ACBD6: variants seen among roughly 807,000 people sequenced by gnomAD.
ACBD6 encodes the protein acyl-CoA binding domain containing 6.
ACBD6 carries 28 observed loss-of-function variants against 37.2 expected under a neutral mutation model. That is an observed-to-expected ratio of 0.75 (90% CI 0.56 to 1.03). ACBD6 has a LOEUF of 1.03. Ranked by LOEUF, ACBD6 falls within the 50% of genes least tolerant of loss-of-function variation. ACBD6 has a pLI of 0.00. For synonymous variants in ACBD6, 113 were observed against 126.8 expected, an observed-to-expected ratio of 0.89 and a Z score of 0.73; for missense variants, 340 against 337.4, an observed-to-expected ratio of 1.01 and a Z score of -0.06.
chr1:180,472,269 C>T lies in ACBD6; in HGVS notation c.384+20000G>A, dbSNP rs1453874821. ...TCACTATTCAAGAGTTGATGTGTAA[C>T]GTTTAGGTGATGTGTGGCAAAAAAT... is the stretch of plus-strand genomic sequence containing the variant. On this transcript the variant is annotated intron_variant, in intron 3 of 7. Coordinates refer to ENST00000367595, the MANE Select transcript of ACBD6 (RefSeq NM_032360.4). Among the ~76,000 whole-genome samples, 9 of 152,252 alleles carry T rather than the reference C, an allele frequency of 5.9e-5. 1 individual carries two copies. The East Asian group carries it at 1.5e-3, about 26-fold the overall frequency.
At chr1:180,396,300 T>C (rs1330776905) in intron 6 of ACBD6, among the ~76,000 whole-genome samples, 1 of 152,198 alleles carries the variant, frequency 6.6e-6, no homozygotes, top group Non-Finnish European at 1.5e-5. Context: ...GTAAATTTTA[T>C]GCTATGAGTA....
intron 10 of ACBD6, chr1:180,274,470 T>C: frequency 1.2e-6 from 2 of 1,614,158 alleles, no homozygotes; most frequent in Non-Finnish European, 1.7e-6. Flanking sequence ...CTGAGAGCCA[T>C]GGCTGGGGGA....
At chr1:180,436,901 T>C (rs1649060249) in intron 3 of ACBD6, among the ~76,000 whole-genome samples, 1 of 152,224 alleles carries the variant, frequency 6.6e-6, no homozygotes, top group African/African-American at 2.4e-5. Context: ...ACTGAAAGCT[T>C]TCCTTCTAAG....
intron 6 of ACBD6, among the ~76,000 whole-genome samples, chr1:180,364,449 C>T (rs140379112): frequency 1.3e-5 from 2 of 152,314 alleles, no homozygotes; most frequent in African/African-American, 4.8e-5. Context: ...CTACTGTCTT[C>T]AAATAACAGA....
At chr1:180,327,524 T>C (rs947903355) in intron 6 of ACBD6, among the ~76,000 whole-genome samples, 2 of 152,248 alleles carry the variant, frequency 1.3e-5, no homozygotes, top group African/African-American at 4.8e-5. Flanking sequence ...CAGTGCTCTT[T>C]TATGTGTAGT....
At position 180,502,371 on chromosome 1, in the gene ACBD6, C is replaced by T. The variant is rs1571593263; in HGVS notation, c.-105G>A. The T allele has an allele frequency of 3.9e-6, 5 of 1,285,956 alleles. No individual in the cohort carries two copies. The East Asian group carries it at 9.9e-5, about 25-fold the overall frequency. 79.7% of individuals were successfully genotyped at this position (1,285,956 alleles called of 1,614,324 possible). A position where few individuals can be genotyped will look rare whatever the true frequency, so the allele number is the denominator to read the frequency against. The stretch of plus-strand genomic sequence containing the variant: ...CACCAGTCTGGGTCGCGAGCCTGAG[C>T]TCCAGTCGGACCCAAGCTCAGTCGC... On this transcript the variant is annotated 5_prime_UTR_variant, in exon 1 of 8. Transcript: ENST00000367595.
intron 6 of ACBD6, among the ~76,000 whole-genome samples, chr1:180,343,778 AAAAC>A (rs933599026): frequency 3.3e-5 from 5 of 152,294 alleles, no homozygotes; most frequent in African/African-American, 1.2e-4. Context: ...AAACAAAACA[AAAAC>A]AAACAGGCCA....
At chr1:180,364,794 C>T (rs1053566651) in intron 6 of ACBD6, among the ~76,000 whole-genome samples, 4 of 147,400 alleles carry the variant, frequency 2.7e-5, no homozygotes, top group East Asian at 4.0e-4. Flanking sequence ...AGTACAGTAG[C>T]GCGATCTTGG....
At chr1:180,337,488 T>C (rs1651784891) in intron 6 of ACBD6, among the ~76,000 whole-genome samples, 1 of 152,180 alleles carries the variant, frequency 6.6e-6, no homozygotes, top group African/African-American at 2.4e-5. Flanking sequence ...AAATTAGGTA[T>C]TGATGGGATG....
intron 6 of ACBD6, among the ~76,000 whole-genome samples, chr1:180,374,635 G>A (rs1653369997): frequency 6.6e-6 from 1 of 152,018 alleles, no homozygotes; most frequent in African/African-American, 2.4e-5. Flanking sequence ...AAAATCAACA[G>A]GTGACTTAAC....
At position 180,469,464 on chromosome 1, in the gene ACBD6, T is replaced by C. The variant is rs568280373; in HGVS notation, c.384+22805A>G. On this transcript the variant is annotated intron_variant, in intron 3 of 7. Transcript: ENST00000367595. ...AGTGAGCCTGAAAACAATATAGTAA[T>C]TCTACAGAGTTTTAAATCTAGGCCT... 4.6e-5 allele frequency among the ~76,000 whole-genome samples: 7 copies of C among 152,318 alleles called. No homozygotes were observed. In the East Asian group the frequency reaches 1.4e-3, roughly 29 times the overall value.
At chr1:180,492,712 G>C (rs1003539031) in intron 2 of ACBD6, among the ~76,000 whole-genome samples, 14 of 152,110 alleles carry the variant, frequency 9.2e-5, no homozygotes, top group Admixed American at 8.5e-4. Flanking sequence ...CCCTATTGAG[G>C]ATATATGATC....
chr1:180,318,175 C>CCA (rs10632390), intron 6 of ACBD6, among the ~76,000 whole-genome samples: 4,339 of 102,596 alleles, frequency 0.042, 505 homozygotes, highest in African/African-American at 0.14. Context: ...CCCCCCCCCC[C>CCA]AAAAAAAAAA....
At chr1:180,277,879 G>GGT (rs1553285497) in intron 9 of ACBD6, 1 of 149,972 alleles carries the variant, frequency 6.7e-6, no homozygotes, top group Non-Finnish European at 1.5e-5. Flanking sequence ...ACTTTTTTTG[G>GGT]GGGGGGGCAG....
chr1:180,323,052 T>A (rs1247337075), intron 6 of ACBD6, among the ~76,000 whole-genome samples: 1 of 151,884 alleles, frequency 6.6e-6, no homozygotes, highest in Non-Finnish European at 1.5e-5. Context: ...TTTGGTATAT[T>A]TCGTTTTCAC....
At chr1:180,317,739 C>T (rs946891994) in intron 6 of ACBD6, among the ~76,000 whole-genome samples, 1 of 152,102 alleles carries the variant, frequency 6.6e-6, no homozygotes, top group African/African-American at 2.4e-5. Flanking sequence ...GCAAAATACT[C>T]CCTAGACAAG....
At chr1:180,369,105 A>G (rs1332344376) in intron 6 of ACBD6, among the ~76,000 whole-genome samples, 1 of 152,226 alleles carries the variant, frequency 6.6e-6, no homozygotes, top group East Asian at 1.9e-4. Flanking sequence ...GCATCTCTGT[A>G]GGAATTCACA....
At chr1:180,284,073 T>G (rs1287086050), downstream of ACBD6, among the ~76,000 whole-genome samples, 1 of 152,188 alleles carries the variant, frequency 6.6e-6, no homozygotes, top group African/African-American at 2.4e-5. Flanking sequence ...CAAGGACAAG[T>G]GAATAAAGAT....
intron 6 of ACBD6, among the ~76,000 whole-genome samples, chr1:180,350,195 A>AT (rs1652356658): frequency 1.3e-5 from 2 of 151,794 alleles, no homozygotes; most frequent in Non-Finnish European, 2.9e-5. Context: ...CTGGCTAAAT[A>AT]TTTTTTACTT....
Sources: gnomAD v4.1 joint callset for allele counts (sites outside exome capture counted in the v4.1 genomes callset) on GRCh38, gnomAD v4.1.1 for gene constraint, MANE v1.5 for transcripts, NCBI Gene and HGNC (gene_info 2026-07-23, HGNC 2026-07-21) for gene names.